Variants in ADGRV1 observed in about 807,000 individuals in gnomAD.
The protein encoded by ADGRV1 is G-protein coupled receptor 98.
Under a neutral mutation model 596.2 loss-of-function variants are expected in ADGRV1, and 359 were observed. The observed-to-expected ratio is 0.60, with a 90% CI of 0.55 to 0.66. The LOEUF (loss-of-function observed/expected upper bound fraction) is 0.66. Ranked by LOEUF, ADGRV1 falls within the 30% of genes least tolerant of loss-of-function variation. The pLI, the probability that ADGRV1 is intolerant of heterozygous loss-of-function variation, is 0.00. For missense variants in ADGRV1, 7,274 were observed against 7,575.6 expected (o/e 0.96, Z 1.48); for synonymous variants, 2,681 against 2,679.2 (o/e 1.00, Z -0.02).
chr5:90,908,739 A>C (rs1168581129), intron 83 of ADGRV1, among the ~76,000 whole-genome samples: 1 of 152,250 alleles, frequency 6.6e-6, no homozygotes, highest in East Asian at 1.9e-4. Flanking sequence ...GACTCTCGGA[A>C]GCATTTAAGA....
At chr5:91,151,535 A>T (rs1009874308) in intron 88 of ADGRV1, among the ~76,000 whole-genome samples, 1 of 152,176 alleles carries the variant, frequency 6.6e-6, no homozygotes, top group African/African-American at 2.4e-5. Context: ...CTTAAAATAG[A>T]CTTATTTCAT....
At chr5:90,872,093 T>C (rs545525530) in intron 83 of ADGRV1, among the ~76,000 whole-genome samples, 4 of 152,316 alleles carry the variant, frequency 2.6e-5, no homozygotes, top group African/African-American at 9.6e-5. Context: ...CCTGCTTTTC[T>C]GTGCTTCAGG....
chr5:90,694,816 T>G, intron 33 of ADGRV1, 115 bp downstream of exon 33: 1 of 1,025,306 alleles, frequency 9.8e-7, no homozygotes, highest in Non-Finnish European at 1.4e-6. Flanking sequence ...TATACAGAAA[T>G]GTAGTTTGGC....
chr5:90,742,693 T>C (rs553775328), intron 50 of ADGRV1, among the ~76,000 whole-genome samples: 1 of 152,162 alleles, frequency 6.6e-6, no homozygotes, highest in East Asian at 1.9e-4. Flanking sequence ...AGAGAAGATG[T>C]CTGAGAAAGA....
Position 90,617,867 on chromosome 5 carries a change from G to A in ADGRV1, c.271G>A (p.Glu91Lys). 1 of 1,599,038 alleles carries A rather than the reference G, an allele frequency of 6.3e-7. No homozygotes were observed. The highest frequency in any genetic ancestry group is 1.3e-5 in the African/African-American group (1 of 74,860). Residue 91 changes from glutamate to lysine, a missense_variant, in exon 3 of 90, where the codon GAA (glutamate) becomes AAA (lysine). Transcript: ENST00000405460. ...TYAAAFIPAG[E>K]TNRTVYIAVC... ...TGCTGCAGCTTTTATACCTGCCGGA[G>A]AAACAAACAGAACAGTGTACATAGC...
intron 68 of ADGRV1, 33 bp downstream of exon 68, chr5:90,788,343 G>T: frequency 6.5e-7 from 1 of 1,542,660 alleles, no homozygotes; most frequent in Non-Finnish European, 8.8e-7. Context: ...CACAAAATGT[G>T]GATTTCATGG....
Position 91,102,358 on chromosome 5 carries a change from GT to G in ADGRV1, c.18432+20del. On this transcript the variant is annotated intron_variant, in intron 87 of 89. Transcript: ENST00000405460. The stretch of plus-strand genomic sequence containing the variant: ...GTCTGCAGGTAAGCCTTACAATTTG[GT>G]TAGTGACAACATACATTTATCTTAA... The G allele has an allele frequency of 6.4e-7, 1 of 1,563,974 alleles. No homozygotes were observed. The highest frequency in any genetic ancestry group is 1.2e-5 in the South Asian group (1 of 82,532).
chr5:91,062,574 C>T (rs964072956), intron 85 of ADGRV1, among the ~76,000 whole-genome samples: 1 of 152,050 alleles, frequency 6.6e-6, no homozygotes, highest in Non-Finnish European at 1.5e-5. Flanking sequence ...ATATTAACGT[C>T]GTAGCACACC....
intron 1 of ADGRV1, among the ~76,000 whole-genome samples, chr5:90,584,153 G>T (rs145898558): frequency 6.6e-6 from 1 of 152,258 alleles, no homozygotes; most frequent in East Asian, 1.9e-4. Context: ...AGGATTAACT[G>T]AGTTTCATGT....
intron 87 of ADGRV1, among the ~76,000 whole-genome samples, chr5:91,103,972 G>A (rs1016216194): frequency 6.6e-6 from 1 of 152,162 alleles, no homozygotes; most frequent in Non-Finnish European, 1.5e-5. Flanking sequence ...AGACAGAAAG[G>A]GTAGATTGGT....
chr5:90,730,723 G>A (rs1042703062), intron 50 of ADGRV1, among the ~76,000 whole-genome samples: 1 of 152,154 alleles, frequency 6.6e-6, no homozygotes, highest in African/African-American at 2.4e-5. Flanking sequence ...TGAAGCTGAG[G>A]CCAGTGGCAT....
intron 85 of ADGRV1, among the ~76,000 whole-genome samples, chr5:91,014,866 T>C (rs1362037955): frequency 6.6e-6 from 1 of 150,630 alleles, no homozygotes; most frequent in East Asian, 2.0e-4. Context: ...GGTTTTTTTG[T>C]GTCTTGATAT....
intron 83 of ADGRV1, among the ~76,000 whole-genome samples, chr5:90,930,781 A>T (rs1241992879): frequency 6.6e-6 from 1 of 152,142 alleles, no homozygotes; most frequent in Non-Finnish European, 1.5e-5. Context: ...CATGTTCGGT[A>T]ACAATAATTT....
chr5:90,852,899 T>C (rs1019291706), intron 79 of ADGRV1, among the ~76,000 whole-genome samples: 1 of 152,178 alleles, frequency 6.6e-6, no homozygotes, highest in African/African-American at 2.4e-5. Context: ...AGTGAAGGGC[T>C]TTAGCTCAGT....
intron 88 of ADGRV1, 151 bp from the exon 89 acceptor site, chr5:91,153,070 T>C: frequency 1.7e-6 from 1 of 582,666 alleles, no homozygotes; most frequent in Non-Finnish European, 2.9e-6. Flanking sequence ...AATTTATAAA[T>C]AAGTAAAGGT....
At chr5:90,851,134 TGAGAGAGAGAGA>T (rs141999531) in intron 79 of ADGRV1, among the ~76,000 whole-genome samples, 919 of 81,532 alleles carry the variant, frequency 0.011, 20 homozygotes, top group African/African-American at 0.032. Context: ...TGTGTGTGTG[TGAGAGAGAGAGA>T]GAGAGAGAGA....
At chr5:90,940,605 T>A (rs72784617) in intron 83 of ADGRV1, among the ~76,000 whole-genome samples, 11,462 of 152,258 alleles carry the variant, frequency 0.075, 564 homozygotes, top group Non-Finnish European at 0.11. Context: ...AGTGATATAC[T>A]GTGATGTTTT....
At chr5:90,948,386 T>C (rs544708396) in intron 83 of ADGRV1, among the ~76,000 whole-genome samples, 4 of 152,248 alleles carry the variant, frequency 2.6e-5, no homozygotes, top group East Asian at 3.9e-4. Flanking sequence ...TTAAAGAACA[T>C]TGAAGTATGT....
intron 1 of ADGRV1, among the ~76,000 whole-genome samples, chr5:90,564,062 T>A (rs1234017317): frequency 6.6e-6 from 1 of 152,242 alleles, no homozygotes; most frequent in Non-Finnish European, 1.5e-5. Context: ...AGTACATTTT[T>A]CATTCTTCAA....
Sources: allele counts gnomAD v4.1 joint callset (sites outside exome capture counted in the v4.1 genomes callset), GRCh38; gene constraint gnomAD v4.1.1; transcripts MANE v1.5; gene names NCBI Gene and HGNC (gene_info 2026-07-23, HGNC 2026-07-21).